The following RTN4R variants were observed in gnomAD, a reference collection of about 807,000 sequenced individuals.
The protein encoded by RTN4R is reticulon 4 receptor.
RTN4R carries 4 observed loss-of-function variants against 27.7 expected under a neutral mutation model. That is an observed-to-expected ratio of 0.14 (90% CI 0.07 to 0.33). The LOEUF is 0.33. RTN4R is among the 10% of genes least tolerant of loss of function. RTN4R has a pLI of 1.00. For synonymous variants in RTN4R, 290 were observed against 305.6 expected, an observed-to-expected ratio of 0.95 and a Z score of 0.53; for missense variants, 554 against 671.5, an observed-to-expected ratio of 0.83 and a Z score of 1.93.
Position 20,268,232 on chromosome 22 carries a change from C to CA in RTN4R, c.-141_-140insT. The CA allele has an allele frequency of 8.9e-6, 1 of 112,936 alleles. No individual in the cohort carries two copies. The highest frequency in any genetic ancestry group is 6.0e-5 in the African/African-American group (1 of 16,706). The allele number at this position is 112,936 out of a possible 1,614,324, so 7.0% of individuals were successfully genotyped here. ...GCCGCGGGACGAGGCTCGGCGCGCT[C>CA]CGCTCCGCCCGGCTCTGGCTGGGCT... is the stretch of plus-strand genomic sequence containing the variant. On this transcript the variant is annotated 5_prime_UTR_variant, in exon 1 of 2. Transcript: ENST00000043402.
intron 1 of RTN4R, among the ~76,000 whole-genome samples, chr22:20,252,820 TCA>T: frequency 1.3e-5 from 2 of 151,914 alleles, no homozygotes; most frequent in African/African-American, 4.8e-5. Context: ...CTGCACCCCC[TCA>T]CAGAGTAGGC....
intron 1 of RTN4R, chr22:20,243,666 C>G (rs1015624095): frequency 7.4e-6 from 3 of 403,130 alleles, no homozygotes; most frequent in Non-Finnish European, 1.5e-5. Context: ...ACCCAGGCAG[C>G]CTGCTCCCTC....
rs1365079965 is a variant in RTN4R, at chr22:20,243,105, G to A, written c.28C>T (p.Arg10Trp). 28 of 1,599,116 alleles carry A rather than the reference G, an allele frequency of 1.8e-5. No individual in the cohort carries two copies. Among genetic ancestry groups the A allele is most frequent in the Middle Eastern group, 1.7e-4 (1 of 6,046 alleles). Reference protein sequence around the residue: MKRASAGGSRLLAWVLWLQA... With the variant: MKRASAGGSWLLAWVLWLQA... Reference sequence around the variant, plus strand: ...AGCCACAGCACCCATGCCAGCAGCCGGCTCCCTGTGGGCAGAAGACAGAGT... The same window carrying A: ...AGCCACAGCACCCATGCCAGCAGCCAGCTCCCTGTGGGCAGAAGACAGAGT... Residue 10 changes from arginine to tryptophan, a missense_variant, in exon 2 of 2, where the codon CGG becomes TGG. Transcript: ENST00000043402.
At chr22:20,247,558 C>G (rs964528476) in intron 1 of RTN4R, among the ~76,000 whole-genome samples, 1 of 151,376 alleles carries the variant, frequency 6.6e-6, no homozygotes, top group Non-Finnish European at 1.5e-5. Flanking sequence ...CCCACAGACA[C>G]GTGCAGGGGC....
intron 1 of RTN4R, among the ~76,000 whole-genome samples, chr22:20,265,900 G>A (rs1402595082): frequency 6.6e-6 from 1 of 152,184 alleles, no homozygotes; most frequent in African/African-American, 2.4e-5. Flanking sequence ...CTGACCACTG[G>A]CCCATGGTGC....
Position 20,268,268 on chromosome 22 carries a change from GTGC to G in RTN4R, c.-179_-177del, listed in dbSNP as rs1569044543. 3.2e-5 allele frequency: 5 copies of G among 158,184 alleles called. No homozygotes were observed. The highest frequency in any genetic ancestry group is 4.0e-5 in the Non-Finnish European group (3 of 75,876). The allele number at this position is 158,184 out of a possible 1,614,324, so 9.8% of individuals were successfully genotyped here. A position where few individuals can be genotyped will look rare whatever the true frequency, so the allele number is the denominator to read the frequency against. On this transcript the variant is annotated 5_prime_UTR_variant, in exon 1 of 2. Coordinates refer to ENST00000043402, the MANE Select transcript of RTN4R (RefSeq NM_023004.6). ...GGCTCTGGCTGGGCTCGGGCCGCGGGTGCGCAGGGCGCGCAGGGCGCACAGGGC... is the reference window on the plus strand; with the variant it reads ...GGCTCTGGCTGGGCTCGGGCCGCGGGGCAGGGCGCGCAGGGCGCACAGGGC...
intron 1 of RTN4R, among the ~76,000 whole-genome samples, chr22:20,253,949 G>A (rs1218591799): frequency 6.6e-6 from 1 of 152,162 alleles, no homozygotes; most frequent in African/African-American, 2.4e-5. Context: ...GACAAATATA[G>A]GTTGAACATC....
At chr22:20,248,010 T>C (rs2051152069) in intron 1 of RTN4R, among the ~76,000 whole-genome samples, 1 of 152,048 alleles carries the variant, frequency 6.6e-6, no homozygotes, top group Non-Finnish European at 1.5e-5. Flanking sequence ...GACAACGAGA[T>C]GTAGGTAGGT....
chr22:20,254,815 C>G (rs1453108654), intron 1 of RTN4R, among the ~76,000 whole-genome samples: 1 of 152,044 alleles, frequency 6.6e-6, no homozygotes, highest in African/African-American at 2.4e-5. Context: ...CCAATAGAAG[C>G]CCTGATGTGG....
Position 20,263,209 on chromosome 22 carries a change from G to C in RTN4R, c.22+4862C>G, listed in dbSNP as rs1382014554. On this transcript the variant is annotated intron_variant, in intron 1 of 1. Coordinates refer to ENST00000043402, the MANE Select transcript of RTN4R (RefSeq NM_023004.6). ...CGTGGGTGCGGGGTTTGTGTGGCAGGGTCTACCCATCCCAGGGCCCTTGCT... is the reference window on the plus strand; with the variant it reads ...CGTGGGTGCGGGGTTTGTGTGGCAGCGTCTACCCATCCCAGGGCCCTTGCT... Among the ~76,000 whole-genome samples the C allele has an allele frequency of 7.2e-5, 11 of 152,326 alleles. No homozygotes were observed. The East Asian group carries it at 1.5e-3, about 21-fold the overall frequency.
At chr22:20,251,113 T>C (rs1200686402) in intron 1 of RTN4R, among the ~76,000 whole-genome samples, 3 of 152,166 alleles carry the variant, frequency 2.0e-5, no homozygotes, top group African/African-American at 7.2e-5. Flanking sequence ...GGCCTCTCCC[T>C]GCACCTTGTA....
chr22:20,268,184 C>A lies in RTN4R; in HGVS notation c.-92G>T. The A allele has an allele frequency of 1.9e-6, 1 of 534,372 alleles. No homozygotes were observed. The highest frequency in any genetic ancestry group is 2.5e-6 in the Non-Finnish European group (1 of 400,190). The allele number at this position is 534,372 out of a possible 1,614,324, so 33.1% of individuals were successfully genotyped here. A position where few individuals can be genotyped will look rare whatever the true frequency, so the allele number is the denominator to read the frequency against. ...GGCCGGGTCCGCATCCAGGCGCCGC[C>A]GCTACGGCCCGGCCCCGGCCCGGCC... On this transcript the variant is annotated 5_prime_UTR_variant, in exon 1 of 2. Coordinates refer to ENST00000043402, the MANE Select transcript of RTN4R (RefSeq NM_023004.6).
At chr22:20,243,313 C>T (rs933060233) in intron 1 of RTN4R, 4 of 695,226 alleles carry the variant, frequency 5.8e-6, no homozygotes, top group South Asian at 1.6e-5. Context: ...CTAGAACATG[C>T]CTTGGAGCCA....
chr22:20,262,817 C>T (rs2051255530), intron 1 of RTN4R, among the ~76,000 whole-genome samples: 1 of 152,256 alleles, frequency 6.6e-6, no homozygotes, highest in Non-Finnish European at 1.5e-5. Flanking sequence ...CCCATGGCTG[C>T]CCAGCCTTGG....
chr22:20,243,029 T>C lies in RTN4R; in HGVS notation c.104A>G (p.Asn35Ser), dbSNP rs764750034. 1.0e-5 allele frequency: 16 copies of C among 1,605,284 alleles called. No individual in the cohort carries two copies. The highest frequency in any genetic ancestry group is 7.7e-5 in the South Asian group (7 of 91,084). ...GCAGCTTGTCGTCACCTTGGGCTCA[T>C]TGTAGCATACGCAGGCACCTGGGCA... is the stretch of plus-strand genomic sequence containing the variant. ...APCPGACVCYNEPKVTTSCPQ... is the reference protein window; with the variant it reads ...APCPGACVCYSEPKVTTSCPQ... Residue 35 changes from asparagine to serine, a missense_variant, in exon 2 of 2, where the codon AAT becomes AGT. Physicochemically the swap from Asn to Ser is conservative, Grantham distance 46. Transcript: ENST00000043402.
intron 1 of RTN4R, among the ~76,000 whole-genome samples, chr22:20,265,570 C>G (rs2051272396): frequency 6.6e-6 from 1 of 152,188 alleles, no homozygotes; most frequent in Admixed American, 6.5e-5. Context: ...CCACAGACCC[C>G]CAGGTGAGGA....
chr22:20,242,794 G>A lies in RTN4R; in HGVS notation c.339C>T (p.Ser113=), dbSNP rs149052299. ...GLALLEQLDL[S]DNAQLRSVDP... is the part of the protein sequence containing the mutation. ...CCACAGACCGGAGCTGTGCATTATCGCTGAGGTCCAGCTGCTCCAGGAGGG... is the reference window on the plus strand; with the variant it reads ...CCACAGACCGGAGCTGTGCATTATCACTGAGGTCCAGCTGCTCCAGGAGGG... The change falls in exon 2 of 2, where the codon AGC becomes AGT. Residue 113 remains serine (S), a synonymous_variant. Coordinates refer to ENST00000043402, the MANE Select transcript of RTN4R (RefSeq NM_023004.6). 4.8e-5 allele frequency: 77 copies of A among 1,612,930 alleles called. 1 individual carries two copies. In the African/African-American group the frequency reaches 7.3e-4, roughly 15 times the overall value.
intron 1 of RTN4R, among the ~76,000 whole-genome samples, chr22:20,263,574 G>A (rs896632491): frequency 3.3e-5 from 5 of 152,246 alleles, no homozygotes; most frequent in Admixed American, 3.3e-4. Flanking sequence ...GGGGGCCCAG[G>A]GCAGGCTGCT....
chr22:20,256,183 G>A (rs1002431596), intron 1 of RTN4R, among the ~76,000 whole-genome samples: 1 of 152,208 alleles, frequency 6.6e-6, no homozygotes, highest in African/African-American at 2.4e-5. Context: ...TCCGGGAGGC[G>A]GGGCAGTCCG....
Sources: allele counts gnomAD v4.1 joint callset (sites outside exome capture counted in the v4.1 genomes callset), GRCh38; gene constraint gnomAD v4.1.1; transcripts MANE v1.5; gene names NCBI Gene and HGNC (gene_info 2026-07-23, HGNC 2026-07-21).